Variants in RAB11FIP4 observed in about 807,000 individuals in gnomAD.
RAB11FIP4 encodes rab11 family-interacting protein 4.
RAB11FIP4 carries 23 observed loss-of-function variants against 74.3 expected under a neutral mutation model. The observed-to-expected ratio is 0.31, with a 90% CI of 0.22 to 0.44. The LOEUF (loss-of-function observed/expected upper bound fraction) is 0.44, where lower values mean the gene tolerates loss of function less well. Ranked by LOEUF, RAB11FIP4 falls within the 20% of genes least tolerant of loss-of-function variation. The pLI, the probability that RAB11FIP4 is intolerant of heterozygous loss-of-function variation, is 1.00. For missense variants in RAB11FIP4, 630 were observed against 863.9 expected, an observed-to-expected ratio of 0.73 and a Z score of 3.39; for synonymous variants, 360 against 359.9, an observed-to-expected ratio of 1.00 and a Z score of 0.00.
At chr17:31,515,894 C>T (rs894611196) in intron 3 of RAB11FIP4, among the ~76,000 whole-genome samples, 1 of 152,136 alleles carries the variant, frequency 6.6e-6, no homozygotes, top group African/African-American at 2.4e-5. Flanking sequence ...ACAAAAGGTG[C>T]CAGCATGTCT....
intron 3 of RAB11FIP4, among the ~76,000 whole-genome samples, chr17:31,467,356 T>G (rs1017626202): frequency 6.6e-6 from 1 of 152,122 alleles, no homozygotes; most frequent in African/African-American, 2.4e-5. Flanking sequence ...TGACCTCAGG[T>G]GATCTGCCCG....
intron 1 of RAB11FIP4, among the ~76,000 whole-genome samples, chr17:31,415,312 G>A (rs1379681646): frequency 4.6e-5 from 7 of 152,216 alleles, no homozygotes; most frequent in African/African-American, 1.7e-4. Context: ...CAGGATAGTG[G>A]TGACTGACGA....
intron 1 of RAB11FIP4, among the ~76,000 whole-genome samples, chr17:31,419,760 C>A (rs2151623117): frequency 6.6e-6 from 1 of 152,154 alleles, no homozygotes; most frequent in East Asian, 1.9e-4. Flanking sequence ...CTGTGTTAGC[C>A]AGGATGGTCT....
chr17:31,397,482 G>A (rs78818700), intron 1 of RAB11FIP4, among the ~76,000 whole-genome samples: 1 of 152,200 alleles, frequency 6.6e-6, no homozygotes, highest in African/African-American at 2.4e-5. Context: ...ACCTCTATGT[G>A]CCCCACCCTA....
chr17:31,491,431 G>A (rs907867652), intron 3 of RAB11FIP4, among the ~76,000 whole-genome samples: 1 of 152,200 alleles, frequency 6.6e-6, no homozygotes, highest in African/African-American at 2.4e-5. Context: ...AGTAAAACAC[G>A]GAGTATGGGA....
intron 3 of RAB11FIP4, among the ~76,000 whole-genome samples, chr17:31,462,748 T>C (rs1426655331): frequency 6.6e-6 from 1 of 152,190 alleles, no homozygotes; most frequent in Admixed American, 6.5e-5. Flanking sequence ...GTGATTCTCC[T>C]GCCTCAGCTT....
At chr17:31,412,201 A>C (rs972421197) in intron 1 of RAB11FIP4, among the ~76,000 whole-genome samples, 4 of 151,994 alleles carry the variant, frequency 2.6e-5, no homozygotes, top group Non-Finnish European at 5.9e-5. Flanking sequence ...GCACACCACC[A>C]CCCTCCTCTC....
chr17:31,521,649 G>A (rs2142817392), intron 5 of RAB11FIP4, among the ~76,000 whole-genome samples: 1 of 152,228 alleles, frequency 6.6e-6, no homozygotes, highest in Middle Eastern at 3.4e-3. Flanking sequence ...AGTGACCCCT[G>A]TGATCCCTTC....
At chr17:31,402,078 C>T (rs1009617384) in intron 1 of RAB11FIP4, among the ~76,000 whole-genome samples, 13 of 152,190 alleles carry the variant, frequency 8.5e-5, no homozygotes, top group South Asian at 4.2e-4. Flanking sequence ...TCCAGTGAAC[C>T]GCCCATCCAA....
intron 3 of RAB11FIP4, among the ~76,000 whole-genome samples, chr17:31,502,071 A>G (rs538421737): frequency 6.6e-6 from 1 of 152,110 alleles, no homozygotes; most frequent in Non-Finnish European, 1.5e-5. Flanking sequence ...TGAAAATACA[A>G]AAATTAGCCA....
chr17:31,406,059 G>A (rs1325346408), intron 1 of RAB11FIP4, among the ~76,000 whole-genome samples: 1 of 152,220 alleles, frequency 6.6e-6, no homozygotes. Context: ...GGGCACCTGG[G>A]CCAGCTGGTC....
At chr17:31,494,984 T>A (rs1047524294) in intron 3 of RAB11FIP4, among the ~76,000 whole-genome samples, 5 of 152,226 alleles carry the variant, frequency 3.3e-5, no homozygotes, top group Admixed American at 2.6e-4. Flanking sequence ...GTGGCTGGCC[T>A]GCCAAGGGGA....
At chr17:31,530,534 C>T in intron 14 of RAB11FIP4, 65 bp downstream of exon 14, 2 of 1,579,936 alleles carry the variant, frequency 1.3e-6, no homozygotes, top group East Asian at 4.5e-5. Flanking sequence ...CTCCCGGCCC[C>T]CACCTGCCCA....
intron 3 of RAB11FIP4, among the ~76,000 whole-genome samples, chr17:31,494,383 T>C (rs762977992): frequency 8.2e-5 from 12 of 146,788 alleles, no homozygotes; most frequent in Non-Finnish European, 1.8e-4. Context: ...GGCTCAAATA[T>C]GTAAATGTAT....
At chr17:31,402,628 T>TTA (rs1306963198) in intron 1 of RAB11FIP4, among the ~76,000 whole-genome samples, 3 of 151,220 alleles carry the variant, frequency 2.0e-5, no homozygotes, top group Non-Finnish European at 4.4e-5. Context: ...ATTTATTTAT[T>TTA]TATTTATTTT....
intron 3 of RAB11FIP4, among the ~76,000 whole-genome samples, chr17:31,505,526 A>ATATATAATATAATAATTATATAT: frequency 2.4e-5 from 2 of 84,484 alleles, no homozygotes; most frequent in African/African-American, 9.7e-5. Context: ...ATTATATATT[A>ATATATAATATAATAATTATATAT]TATATAATTA....
intron 7 of RAB11FIP4, 150 bp from the exon 8 acceptor site, chr17:31,523,362 G>A (rs757608202): frequency 2.6e-5 from 18 of 688,236 alleles, no homozygotes; most frequent in Middle Eastern, 3.8e-4. Context: ...GCTGAGTTTG[G>A]CAACATTCTT....
intron 1 of RAB11FIP4, among the ~76,000 whole-genome samples, chr17:31,429,828 CAAAAAAAAAAAAA>C (rs751342010): frequency 1.0e-4 from 8 of 80,324 alleles, no homozygotes; most frequent in African/African-American, 4.0e-4. Flanking sequence ...GATTCCATCT[CAAAAAAAAAAAAA>C]AAAAAAAAAG....
At chr17:31,466,415 G>C (rs958149518) in intron 3 of RAB11FIP4, among the ~76,000 whole-genome samples, 1 of 152,136 alleles carries the variant, frequency 6.6e-6, no homozygotes, top group African/African-American at 2.4e-5. Context: ...GGTGTTATGA[G>C]GATTAAATGA....
Sources: allele counts gnomAD v4.1 joint callset (sites outside exome capture counted in the v4.1 genomes callset), GRCh38; gene constraint gnomAD v4.1.1; transcripts MANE v1.5; gene names NCBI Gene and HGNC (gene_info 2026-07-23, HGNC 2026-07-21).